The following AP2B1 variants were observed in gnomAD, a reference collection of about 807,000 sequenced individuals.
AP2B1 encodes the protein adaptor related protein complex 2 subunit beta 1, also known as AP-2 complex subunit beta.
A neutral mutation model predicts 102.0 loss-of-function variants in AP2B1; 23 were observed. The observed-to-expected ratio is 0.23, with a 90% CI of 0.16 to 0.32. AP2B1 has a LOEUF of 0.32. Among genes scored for constraint, AP2B1 ranks in the 10% least tolerant of loss-of-function variants. AP2B1 has a pLI of 1.00. For synonymous variants in AP2B1, 381 were observed against 421.2 expected, an observed-to-expected ratio of 0.90 and a Z score of 1.17; for missense variants, 541 against 1,157.4, an observed-to-expected ratio of 0.47 and a Z score of 7.73.
intron 13 of AP2B1, 198 bp downstream of exon 13, chr17:35,650,987 G>A (rs978909138): frequency 2.5e-5 from 14 of 566,578 alleles, no homozygotes; most frequent in African/African-American, 3.8e-5. Flanking sequence ...CTGAATACCA[G>A]TGACCACACA....
chr17:35,699,239 C>G (rs1463394132), intron 18 of AP2B1, among the ~76,000 whole-genome samples: 1 of 152,174 alleles, frequency 6.6e-6, no homozygotes, highest in Non-Finnish European at 1.5e-5. Flanking sequence ...TAGAGATCAT[C>G]TGGAGGGCTC....
At chr17:35,692,277 A>T (rs587727939) in intron 18 of AP2B1, among the ~76,000 whole-genome samples, 1 of 152,246 alleles carries the variant, frequency 6.6e-6, no homozygotes, top group African/African-American at 2.4e-5. Context: ...AATTTCACAC[A>T]GTAGTTCTAA....
In AP2B1 at chr17:35,650,600, C is replaced by T; in HGVS notation, c.1607C>T (p.Thr536Ile). The T allele has an allele frequency of 1.9e-6, 3 of 1,614,166 alleles. No individual in the cohort carries two copies. The highest frequency in any genetic ancestry group is 2.5e-6 in the Non-Finnish European group (3 of 1,180,028). ...CGCCTTCTCTCAACTGACCCTGTTA[C>T]AGCTAAAGAAGTAGTCTTGTCTGAG... ...YWRLLSTDPVTAKEVVLSEKP... is the reference protein window; with the variant it reads ...YWRLLSTDPVIAKEVVLSEKP... The change falls in exon 13 of 22, where the codon ACA (threonine) becomes ATA (isoleucine). Residue 536 changes from threonine to isoleucine, a missense_variant. By Grantham distance (89) the Thr-to-Ile change is moderately conservative. Transcript: ENST00000610402.
At chr17:35,670,011 G>A (rs1245280172) in intron 14 of AP2B1, among the ~76,000 whole-genome samples, 2 of 152,274 alleles carry the variant, frequency 1.3e-5, no homozygotes, top group South Asian at 2.1e-4. Context: ...GTTCTTTAAT[G>A]TTTTTGTCAA....
intron 18 of AP2B1, among the ~76,000 whole-genome samples, chr17:35,708,078 C>T (rs1402404039): frequency 6.6e-6 from 1 of 152,154 alleles, no homozygotes; most frequent in East Asian, 1.9e-4. Context: ...CTCATAGCCA[C>T]AGTTTTAAGA....
At chr17:35,603,318 G>A (rs1353029102) in intron 3 of AP2B1, among the ~76,000 whole-genome samples, 1 of 152,126 alleles carries the variant, frequency 6.6e-6, no homozygotes, top group African/African-American at 2.4e-5. Context: ...AAAGCATTGT[G>A]GGGAAGATTT....
At position 35,700,735 on chromosome 17, in the gene AP2B1, C is replaced by T. The variant is rs1183800239; in HGVS notation, c.2455-8489C>T. 4.6e-5 allele frequency among the ~76,000 whole-genome samples: 7 copies of T among 152,216 alleles called. No homozygotes were observed. In the East Asian group the frequency reaches 9.6e-4, roughly 21 times the overall value. On this transcript the variant is annotated intron_variant, in intron 18 of 21. Transcript: ENST00000610402. ...CACCATAAAGAGATTGTAGCTCCTG[C>T]AGCAGGCTTTCTATACTATGGAAAG...
intron 18 of AP2B1, among the ~76,000 whole-genome samples, chr17:35,707,766 T>C (rs2076374649): frequency 6.6e-6 from 1 of 152,228 alleles, no homozygotes; most frequent in African/African-American, 2.4e-5. Context: ...CTCTAGTACA[T>C]CCTAAAGAAT....
chr17:35,703,591 A>T (rs916555851), intron 18 of AP2B1, among the ~76,000 whole-genome samples: 51 of 152,316 alleles, frequency 3.3e-4, no homozygotes, highest in African/African-American at 1.2e-3. Context: ...ATAAAACCAA[A>T]TACCACATGT....
chr17:35,622,546 A>G (rs1004974574), intron 5 of AP2B1, among the ~76,000 whole-genome samples: 1 of 152,176 alleles, frequency 6.6e-6, no homozygotes, highest in Non-Finnish European at 1.5e-5. Flanking sequence ...TAATTTCTCT[A>G]GTTTTTATTA....
chr17:35,687,552 A>AC (rs950259930), intron 18 of AP2B1, among the ~76,000 whole-genome samples: 1 of 149,202 alleles, frequency 6.7e-6, no homozygotes, highest in African/African-American at 2.5e-5. Flanking sequence ...GTTTACATCA[A>AC]TTTTTTTTTT....
At chr17:35,593,872 A>T (rs1258705510) in intron 1 of AP2B1, 136 bp from the exon 2 acceptor site, 1 of 505,076 alleles carries the variant, frequency 2.0e-6, no homozygotes, top group African/African-American at 2.0e-5. Flanking sequence ...CGGTGGTGAT[A>T]AAGGAAGATG....
At chr17:35,664,274 G>C (rs1213790280) in intron 14 of AP2B1, among the ~76,000 whole-genome samples, 1 of 152,012 alleles carries the variant, frequency 6.6e-6, no homozygotes, top group Non-Finnish European at 1.5e-5. Context: ...ATTTTTTTGA[G>C]ACAAGGTCTC....
At chr17:35,651,718 A>G (rs925806921) in intron 13 of AP2B1, among the ~76,000 whole-genome samples, 4 of 151,992 alleles carry the variant, frequency 2.6e-5, no homozygotes, top group Admixed American at 2.6e-4. Flanking sequence ...ATAAAGGAAA[A>G]AAAAAACAGC....
At chr17:35,715,592 C>A (rs1462985181) in intron 20 of AP2B1, among the ~76,000 whole-genome samples, 1 of 152,198 alleles carries the variant, frequency 6.6e-6, no homozygotes, top group Non-Finnish European at 1.5e-5. Context: ...ATTAGCCAAA[C>A]CCTAGCTGAT....
At chr17:35,632,829 CAAGCACTGTGCT>C (rs1415745627) in intron 9 of AP2B1, among the ~76,000 whole-genome samples, 1 of 151,894 alleles carries the variant, frequency 6.6e-6, no homozygotes, top group Non-Finnish European at 1.5e-5. Context: ...AGCTTTATAT[CAAGCACTGTGCT>C]AAGCACTTAC....
At position 35,639,611 on chromosome 17, in the gene AP2B1, G is replaced by A. The variant is rs2074710520; in HGVS notation, c.1288G>A (p.Ala430Thr). 1.2e-6 allele frequency: 2 copies of A among 1,612,186 alleles called. No homozygotes were observed. The highest frequency in any genetic ancestry group is 1.7e-6 in the Non-Finnish European group (2 of 1,179,384). The change falls in exon 11 of 22, where the codon GCC (alanine) becomes ACC (threonine). Residue 430 changes from alanine to threonine, a missense_variant. Ala to Thr is a moderately conservative substitution (Grantham distance 58). This residue lies in a region of AP2B1 where 106 missense variants were observed against 296.4 expected (regional missense o/e 0.36). Coordinates refer to ENST00000610402, the MANE Select transcript of AP2B1 (RefSeq NM_001030006.2). ...TTTCATCAGGTATGAAAGTATCATC[G>A]CCACTCTGTGTGAGAACTTAGACTC... Reference protein sequence around the residue: ...KYPNKYESIIATLCENLDSLD... With the variant: ...KYPNKYESIITTLCENLDSLD...
chr17:35,595,625 A>G (rs945833170), intron 2 of AP2B1, among the ~76,000 whole-genome samples: 3 of 152,228 alleles, frequency 2.0e-5, no homozygotes, highest in Admixed American at 6.5e-5. Flanking sequence ...CTAGCTGCTA[A>G]CAGTGCTTGG....
chr17:35,635,832 G>T (rs191268517), intron 9 of AP2B1, among the ~76,000 whole-genome samples: 9 of 152,156 alleles, frequency 5.9e-5, no homozygotes, highest in Non-Finnish European at 1.3e-4. Flanking sequence ...AAGTAGCTCG[G>T]ATTACAGGCA....
Sources: gnomAD v4.1 joint callset for allele counts (sites outside exome capture counted in the v4.1 genomes callset) on GRCh38, gnomAD v4.1.1 for gene constraint, gnomAD v4.1.1 regional missense constraint, MANE v1.5 for transcripts, NCBI Gene and HGNC (gene_info 2026-07-23, HGNC 2026-07-21) for gene names.